Variants in MUC5AC observed in about 807,000 individuals in gnomAD.
The protein encoded by MUC5AC is mucin-5AC.
Under a neutral mutation model 169.7 loss-of-function variants are expected in MUC5AC, and 158 were observed. That is an observed-to-expected ratio of 0.93 (90% CI 0.82 to 1.06). The LOEUF (loss-of-function observed/expected upper bound fraction) is 1.06. Ranked by LOEUF, MUC5AC falls within the 50% of genes least tolerant of loss-of-function variation. The pLI, the probability that MUC5AC is intolerant of heterozygous loss-of-function variation, is 0.00. For missense variants in MUC5AC, 4,359 were observed against 3,089.9 expected (o/e 1.41, Z -9.74); for synonymous variants, 1,975 against 1,237.0 (o/e 1.60, Z -12.52).
chr11:1,174,554 T>G lies in MUC5AC; in HGVS notation c.2024T>G (p.Leu675Arg). 1 of 1,561,526 alleles carries G rather than the reference T, an allele frequency of 6.4e-7. No individual in the cohort carries two copies. Among genetic ancestry groups the G allele is most frequent in the African/African-American group, 1.4e-5 (1 of 73,826 alleles). ...AGCGAGGACTGCCTGTGCGCCGCGCTGTCCTCCTACGTGCACGCCTGTGCC... is the reference window on the plus strand; with the variant it reads ...AGCGAGGACTGCCTGTGCGCCGCGCGGTCCTCCTACGTGCACGCCTGTGCC... ...ERSEDCLCAALSSYVHACAAK... is the reference protein window; with the variant it reads ...ERSEDCLCAARSSYVHACAAK... The change falls in exon 17 of 49, where the codon CTG becomes CGG. Residue 675 changes from leucine to arginine, a missense_variant. Physicochemically the swap from Leu to Arg is moderately radical, Grantham distance 102 (BLOSUM62 -2). Coordinates refer to ENST00000621226, the MANE Select transcript of MUC5AC (RefSeq NM_001304359.2).
rs768268966 is a variant in MUC5AC, at chr11:1,165,272, G to A, written c.1130-30G>A. ...CGCCCACTGCGTGGACACAGCAGGC[G>A]CCCGTCATAGGCCTGCCTGACCCCT... is the stretch of plus-strand genomic sequence containing the variant. On this transcript the variant is annotated intron_variant, in intron 9 of 48. Transcript: ENST00000621226. 47 of 1,588,544 alleles carry A rather than the reference G, an allele frequency of 3.0e-5. No homozygotes were observed. The South Asian group carries it at 3.0e-4, about 10-fold the overall frequency.
At chr11:1,172,352 C>T (rs1453086335) in intron 15 of MUC5AC, 77 bp from the exon 16 acceptor site, 2 of 398,632 alleles carry the variant, frequency 5.0e-6, no homozygotes, top group East Asian at 7.1e-5. Context: ...ACCCAAACCC[C>T]ACACCAGAGG....
At chr11:1,172,321 G>C (rs922950214) in intron 15 of MUC5AC, 108 bp from the exon 16 acceptor site, 4 of 398,070 alleles carry the variant, frequency 1.0e-5, no homozygotes, top group African/African-American at 2.1e-5. Flanking sequence ...CCCAACATCA[G>C]ACTGCCCAGA....
In MUC5AC at chr11:1,165,624, C is replaced by A. The variant is rs1409688788; in HGVS notation, c.1250C>A (p.Thr417Asn). 1 of 1,611,974 alleles carries A rather than the reference C, an allele frequency of 6.2e-7. No homozygotes were observed. The highest frequency in any genetic ancestry group is 1.1e-5 in the South Asian group (1 of 91,076). Residue 417 changes from threonine (T) to asparagine (N), a missense_variant and splice_region_variant, in exon 11 of 49, where the codon ACC becomes AAC. Thr to Asn is a moderately conservative substitution (Grantham distance 65). Coordinates refer to ENST00000621226, the MANE Select transcript of MUC5AC (RefSeq NM_001304359.2). ...GTGGCACCATCTCTTGCTCTCAGCA[C>A]CTGCTCCGGAGGCCGGTGGAGCTGC... Reference protein sequence around the residue: ...ATYSTDCTNCTCSGGRWSCQE... With the variant: ...ATYSTDCTNCNCSGGRWSCQE...
intron 1 of MUC5AC, 145 bp from the exon 2 acceptor site, chr11:1,160,467 C>T (rs1243370752): frequency 1.5e-6 from 1 of 668,398 alleles, no homozygotes. Flanking sequence ...CCCCCCCAAC[C>T]CAGCACAGAG....
rs1564920728 is a variant in MUC5AC at position 1,197,554 on chromosome 11, G to A, written c.15948G>A (p.Pro5316=). Residue 5316 remains proline, a synonymous_variant, in exon 41 of 49, where the codon CCG becomes CCA. Transcript: ENST00000621226. ...WTLTCRPKLC[P]LPPACPLPGF... is the part of the protein sequence containing the mutation. ...TGACCTGCCGACCCAAGCTCTGCCCGCTGCCCCCTGCCTGCCCCCTGCCCG... is the reference window on the plus strand; with the variant it reads ...TGACCTGCCGACCCAAGCTCTGCCCACTGCCCCCTGCCTGCCCCCTGCCCG... 8 of 715,934 alleles carry A rather than the reference G, an allele frequency of 1.1e-5. No homozygotes were observed. The highest frequency in any genetic ancestry group is 3.4e-4 in the Middle Eastern group (1 of 2,908). The allele number at this position is 715,934 out of a possible 1,614,324, so 44.3% of individuals were successfully genotyped here.
chr11:1,185,837 A>C lies in MUC5AC; in HGVS notation c.7692A>C (p.Thr2564=), dbSNP rs1860929179. 4 of 749,006 alleles carry C rather than the reference A, an allele frequency of 5.3e-6. No homozygotes were observed. The East Asian group carries it at 9.9e-5, about 18-fold the overall frequency. 46.4% of individuals were successfully genotyped at this position (749,006 alleles called of 1,614,324 possible). A position where few individuals can be genotyped will look rare whatever the true frequency, so the allele number is the denominator to read the frequency against. ...SSTTSATTTS[T]TSGPGTTPSP... is the part of the protein sequence containing the mutation. ...CAACCTCTGCCACTACAACCAGCACAACCTCTGGTCCTGGAACTACTCCCA... is the reference window on the plus strand; with the variant it reads ...CAACCTCTGCCACTACAACCAGCACCACCTCTGGTCCTGGAACTACTCCCA... Residue 2564 remains threonine, a synonymous_variant, in exon 31 of 49, where the codon ACA becomes ACC. Transcript: ENST00000621226.
In MUC5AC at chr11:1,182,203, C is replaced by G. The variant is rs1425781371; in HGVS notation, c.4058C>G (p.Thr1353Arg). The change falls in exon 31 of 49, where the codon ACA becomes AGA. Residue 1353 changes from threonine to arginine, a missense_variant. Physicochemically the swap from Thr to Arg is moderately conservative, Grantham distance 71. Transcript: ENST00000621226. ...TPSNGPSSAH[T>R]GPPSSAWPTT... is the part of the protein sequence containing the mutation. ...AGCAATGGCCCAAGCAGCGCGCACA[C>G]AGGCCCTCCGAGCAGCGCCTGGCCC... The G allele has an allele frequency of 5.0e-6, 2 of 398,656 alleles. No individual in the cohort carries two copies. Among genetic ancestry groups the G allele is most frequent in the African/African-American group, 4.1e-5 (2 of 48,644 alleles). 24.7% of individuals were successfully genotyped at this position (398,656 alleles called of 1,614,324 possible).
At chr11:1,159,288 G>A (rs1055975581) in intron 1 of MUC5AC, among the ~76,000 whole-genome samples, 6 of 152,090 alleles carry the variant, frequency 3.9e-5, no homozygotes, top group Admixed American at 2.0e-4. Context: ...GCGAATCACA[G>A]CTTTCCCTAA....
Position 1,183,248 on chromosome 11 carries a change from C to G in MUC5AC, c.5103C>G (p.Thr1701=). 4 of 391,260 alleles carry G rather than the reference C, an allele frequency of 1.0e-5. No individual in the cohort carries two copies. The highest frequency in any genetic ancestry group is 3.6e-5 in the East Asian group (1 of 28,006). 24.2% of individuals were successfully genotyped at this position (391,260 alleles called of 1,614,324 possible). The part of the protein sequence containing the change: ...RPTPHPTGAQ[T]QTTFTTHMPS... ...CTCCACATCCAACCGGAGCTCAGACCCAGACCACCTTCACCACACACATGC... is the reference window on the plus strand; with the variant it reads ...CTCCACATCCAACCGGAGCTCAGACGCAGACCACCTTCACCACACACATGC... The change falls in exon 31 of 49, where the codon ACC becomes ACG. Residue 1701 remains threonine (T), a synonymous_variant. Coordinates refer to ENST00000621226, the MANE Select transcript of MUC5AC (RefSeq NM_001304359.2).
chr11:1,187,896 A>G lies in MUC5AC; in HGVS notation c.9751A>G (p.Asn3251Asp). ...PHGGDKETYN[N>D]IIRSGEKICR... ...CGGCGGGGACAAGGAAACCTACAAC[A>G]ACATCATCAGGAGTGGGGAAAAAAT... The change falls in exon 31 of 49, where the codon AAC becomes GAC. Residue 3251 changes from asparagine to aspartate, a missense_variant. Transcript: ENST00000621226. 1 of 760,314 alleles carries G rather than the reference A, an allele frequency of 1.3e-6. No individual in the cohort carries two copies. The highest frequency in any genetic ancestry group is 2.4e-6 in the Non-Finnish European group (1 of 414,942). 47.1% of individuals were successfully genotyped at this position (760,314 alleles called of 1,614,324 possible). A position where few individuals can be genotyped will look rare whatever the true frequency, so the allele number is the denominator to read the frequency against.
intron 36 of MUC5AC, 138 bp from the exon 37 acceptor site, chr11:1,195,738 A>G (rs905157598): frequency 2.6e-6 from 1 of 380,274 alleles, no homozygotes; most frequent in Admixed American, 3.6e-5. Context: ...GTCCGGGGAT[A>G]CAGGAGGGCG....
rs746969015 is a variant in MUC5AC, at chr11:1,192,360, T to C, written c.14215T>C (p.Tyr4739His). Residue 4739 changes from tyrosine to histidine, a missense_variant, in exon 31 of 49, where the codon TAT (tyrosine) becomes CAT (histidine). By Grantham distance (83) the Tyr-to-His change is moderately conservative. Coordinates refer to ENST00000621226, the MANE Select transcript of MUC5AC (RefSeq NM_001304359.2). ...CTGCCCGGTGACCTCTGTGACCCCA[T>C]ATGGGACTTCTCCTACCAATGCTCT... The part of the protein sequence containing the change: ...RGCPVTSVTP[Y>H]GTSPTNALYP... 5.2e-6 allele frequency: 4 copies of C among 765,064 alleles called. No homozygotes were observed. Among genetic ancestry groups the C allele is most frequent in the African/African-American group, 1.7e-5 (1 of 59,248 alleles). 47.4% of individuals were successfully genotyped at this position (765,064 alleles called of 1,614,324 possible). A position where few individuals can be genotyped will look rare whatever the true frequency, so the allele number is the denominator to read the frequency against.
chr11:1,192,886 C>T lies in MUC5AC; in HGVS notation c.14484C>T (p.Ser4828=). Residue 4828 remains serine, a synonymous_variant, in exon 32 of 49, where the codon TCC becomes TCT. Coordinates refer to ENST00000621226, the MANE Select transcript of MUC5AC (RefSeq NM_001304359.2). ...VVRGVDSDCP[S]TTLPPAPATS... ...GAGGGGTTGACAGTGACTGTCCGTCCACCACGCTGCCTCCTGCCCCAGCCA... is the reference window on the plus strand; with the variant it reads ...GAGGGGTTGACAGTGACTGTCCGTCTACCACGCTGCCTCCTGCCCCAGCCA... The T allele has an allele frequency of 1.3e-6, 1 of 764,656 alleles. No individual in the cohort carries two copies. The highest frequency in any genetic ancestry group is 1.3e-5 in the South Asian group (1 of 74,556). 47.4% of individuals were successfully genotyped at this position (764,656 alleles called of 1,614,324 possible).
chr11:1,197,838 AG>A, intron 41 of MUC5AC, 64 bp from the exon 42 acceptor site: 1 of 464,002 alleles, frequency 2.2e-6, no homozygotes, highest in East Asian at 5.2e-5. Flanking sequence ...TAGAGACCCC[AG>A]GGGGTGGGCC....
intron 25 of MUC5AC, 95 bp from the exon 26 acceptor site, chr11:1,178,997 C>T (rs1264344644): frequency 7.1e-6 from 3 of 421,202 alleles, no homozygotes; most frequent in African/African-American, 6.4e-5. Context: ...TCCACTGGAA[C>T]TCGGCCCCGG....
At position 1,189,917 on chromosome 11, in the gene MUC5AC, C is replaced by T; in HGVS notation, c.11772C>T (p.Thr3924=). 2.6e-6 allele frequency: 2 copies of T among 765,114 alleles called. No homozygotes were observed. Among genetic ancestry groups the T allele is most frequent in the Non-Finnish European group, 2.4e-6 (1 of 417,860 alleles). The allele number at this position is 765,114 out of a possible 1,614,324, so 47.4% of individuals were successfully genotyped here. The change falls in exon 31 of 49, where the codon ACC becomes ACT. Residue 3924 remains threonine (T), a synonymous_variant. Coordinates refer to ENST00000621226, the MANE Select transcript of MUC5AC (RefSeq NM_001304359.2). ...GAACTACTCCCAGCCCCGTTCCCAC[C>T]ACCAGCACAGCCTCTGTTTCAAAGA... ...GSGTTPSPVP[T]TSTASVSKTS...
At position 1,190,936 on chromosome 11, in the gene MUC5AC, G is replaced by A; in HGVS notation, c.12791G>A (p.Ser4264Asn). The A allele has an allele frequency of 4.1e-6, 3 of 738,230 alleles. No homozygotes were observed. Among genetic ancestry groups the A allele is most frequent in the South Asian group, 1.4e-5 (1 of 71,118 alleles). 45.7% of individuals were successfully genotyped at this position (738,230 alleles called of 1,614,324 possible). Residue 4264 changes from serine (S) to asparagine (N), a missense_variant, in exon 31 of 49, where the codon AGT becomes AAT. Coordinates refer to ENST00000621226, the MANE Select transcript of MUC5AC (RefSeq NM_001304359.2). ...GTTPSPVPST[S>N]TTSAATTSTT... Reference sequence around the variant, plus strand: ...ACTCCAAGCCCTGTTCCCAGCACCAGTACAACCTCTGCTGCTACAACCAGC... The same window carrying A: ...ACTCCAAGCCCTGTTCCCAGCACCAATACAACCTCTGCTGCTACAACCAGC...
chr11:1,186,273 T>A lies in MUC5AC; in HGVS notation c.8128T>A (p.Ser2710Thr), dbSNP rs1860942846. 4.1e-6 allele frequency: 3 copies of A among 737,946 alleles called. No individual in the cohort carries two copies. Among genetic ancestry groups the A allele is most frequent in the East Asian group, 5.0e-5 (2 of 39,832 alleles). The allele number at this position is 737,946 out of a possible 1,614,324, so 45.7% of individuals were successfully genotyped here. A position where few individuals can be genotyped will look rare whatever the true frequency, so the allele number is the denominator to read the frequency against. Residue 2710 changes from serine (S) to threonine (T), a missense_variant, in exon 31 of 49, where the codon TCT becomes ACT. By Grantham distance (58) the Ser-to-Thr change is moderately conservative. Transcript: ENST00000621226. ...CCCTGTTCCCACCACCAGCACAACC[T>A]CTGCTCCCACAACAAGCACAACCTC... ...PSPVPTTSTT[S>T]APTTSTTSAP...
Sources: allele counts gnomAD v4.1 joint callset (sites outside exome capture counted in the v4.1 genomes callset), GRCh38; gene constraint gnomAD v4.1.1; transcripts MANE v1.5; gene names NCBI Gene and HGNC (gene_info 2026-07-23, HGNC 2026-07-21).